The following CD163L1 variants were observed in gnomAD, a reference collection of about 807,000 sequenced individuals.
CD163L1 encodes CD163 molecule like 1, also known as scavenger receptor cysteine-rich type 1 protein M160.
Under a neutral mutation model 165.4 loss-of-function variants are expected in CD163L1, and 124 were observed. That is an observed-to-expected ratio of 0.75 (90% CI 0.65 to 0.87). The LOEUF is 0.87. CD163L1 is among the 40% of genes least tolerant of loss of function. CD163L1 has a pLI of 0.00. For missense variants in CD163L1, 1,525 were observed against 1,799.9 expected (o/e 0.85, Z 2.76); for synonymous variants, 585 against 662.2 (o/e 0.88, Z 1.79).
At chr12:7,377,372 T>C (rs1223294972) in intron 9 of CD163L1, among the ~76,000 whole-genome samples, 1 of 152,186 alleles carries the variant, frequency 6.6e-6, no homozygotes, top group East Asian at 1.9e-4. Flanking sequence ...TAATAGCATA[T>C]ATTTTACTTC....
At chr12:7,364,800 AG>A (rs1946978132) in intron 18 of CD163L1, among the ~76,000 whole-genome samples, 1 of 152,164 alleles carries the variant, frequency 6.6e-6, no homozygotes, top group Admixed American at 6.5e-5. Flanking sequence ...ACAAAAAAAA[AG>A]AAGTATATTT....
In CD163L1 at chr12:7,432,346, T is replaced by G. The variant is rs1325722744; in HGVS notation, c.766+70A>C. On this transcript the variant is annotated intron_variant, in intron 4 of 19. Coordinates refer to ENST00000313599, the MANE Select transcript of CD163L1 (RefSeq NM_174941.6). This position sits in a 1 kb window ranked among gnomAD's most constrained non-coding sequence, Gnocchi z 4.2. ...ATTCTTCTCCAGAGAATGATTGACC[T>G]TTTTCTTTCCATACATACTGTTTCT... The G allele has an allele frequency of 8.3e-7, 1 of 1,208,656 alleles. No individual in the cohort carries two copies. Among genetic ancestry groups the G allele is most frequent in the Non-Finnish European group, 1.2e-6 (1 of 855,926 alleles). The allele number at this position is 1,208,656 out of a possible 1,614,324, so 74.9% of individuals were successfully genotyped here. A position where few individuals can be genotyped will look rare whatever the true frequency, so the allele number is the denominator to read the frequency against.
chr12:7,436,223 T>G (rs1326098951), intron 2 of CD163L1, among the ~76,000 whole-genome samples: 1 of 152,174 alleles, frequency 6.6e-6, no homozygotes, highest in Non-Finnish European at 1.5e-5. Flanking sequence ...GCTTAATGAT[T>G]TGTATATATG....
At position 7,406,696 on chromosome 12, in the gene CD163L1, G is replaced by A. The variant is rs779104032; in HGVS notation, c.923C>T (p.Ala308Val). 6.2e-7 allele frequency: 1 copy of A among 1,614,042 alleles called. No individual in the cohort carries two copies. The highest frequency in any genetic ancestry group is 1.1e-5 in the South Asian group (1 of 91,082). Residue 308 changes from alanine to valine, a missense_variant, in exon 5 of 20, where the codon GCA becomes GTA. Transcript: ENST00000313599. ...VVCKQLGCGT[A>V]LHFAGLPHLQ... The stretch of plus-strand genomic sequence containing the variant: ...ATGAGGCAAGCCAGCGAAGTGAAGT[G>A]CGGTTCCACATCCCAACTGCTTGCA...
At chr12:7,378,936 T>A in intron 9 of CD163L1, 42 bp downstream of exon 9, 1 of 1,542,562 alleles carries the variant, frequency 6.5e-7, no homozygotes, top group Non-Finnish European at 8.8e-7. Flanking sequence ...AGTGCAAAAA[T>A]AAATAATTAA....
chr12:7,386,169 A>T (rs766428381), intron 8 of CD163L1, among the ~76,000 whole-genome samples: 5 of 152,014 alleles, frequency 3.3e-5, no homozygotes, highest in Non-Finnish European at 5.9e-5. Flanking sequence ...ACAAAAGATT[A>T]TAAGAGCCAA....
intron 14 of CD163L1, among the ~76,000 whole-genome samples, chr12:7,370,703 C>T (rs192795206): frequency 1.4e-4 from 22 of 152,190 alleles, no homozygotes; most frequent in Non-Finnish European, 2.8e-4. Flanking sequence ...CTCCAGTTAC[C>T]GTGTTAACTC....
the CD163L1 span, among the ~76,000 whole-genome samples, chr12:7,319,785 G>A: frequency 6.6e-6 from 1 of 151,936 alleles, no homozygotes; most frequent in African/African-American, 2.4e-5. Flanking sequence ...CTCTACATCA[G>A]GTTTACAAAG....
intron 4 of CD163L1, among the ~76,000 whole-genome samples, chr12:7,412,232 A>G (rs1326813090): frequency 1.3e-5 from 2 of 152,246 alleles, no homozygotes; most frequent in Admixed American, 1.3e-4. Context: ...GGAATTCAAT[A>G]TATGATGTAT....
intron 1 of CD163L1, 82 bp downstream of exon 1, chr12:7,444,015 T>G: frequency 3.1e-6 from 4 of 1,306,986 alleles, no homozygotes; most frequent in Non-Finnish European, 4.4e-6. Flanking sequence ...TACATAATAT[T>G]TATATCTGTT....
rs1269718149 is a variant in CD163L1 at position 7,369,103 on chromosome 12, T to C, written c.4040-138A>G. On this transcript the variant is annotated intron_variant, in intron 15 of 19. Transcript: ENST00000313599. This position sits in a 1 kb window ranked among gnomAD's most constrained non-coding sequence, Gnocchi z 4.9. ...TGTGAATACTGGATGTCATTTAAAA[T>C]ATCAGTCAGAATCCTCTTGCTTCAA... is the stretch of plus-strand genomic sequence containing the variant. 1.8e-6 allele frequency: 2 copies of C among 1,092,696 alleles called. No individual in the cohort carries two copies. The highest frequency in any genetic ancestry group is 1.6e-5 in the African/African-American group (1 of 64,156). 67.7% of individuals were successfully genotyped at this position (1,092,696 alleles called of 1,614,324 possible).
chr12:7,356,175 GA>G (rs1946770548), intron 19 of CD163L1, among the ~76,000 whole-genome samples: 2 of 151,968 alleles, frequency 1.3e-5, no homozygotes, highest in South Asian at 4.1e-4. Flanking sequence ...AAACACATAA[GA>G]TACACTTTAG....
Position 7,380,335 on chromosome 12 carries a change from A to G in CD163L1, c.2051-1037T>C, listed in dbSNP as rs11053546. Among the ~76,000 whole-genome samples, 993 of 112,230 alleles carry G rather than the reference A, an allele frequency of 8.8e-3. 7 individuals carry two copies. Among genetic ancestry groups the G allele is most frequent in the East Asian group, 0.024 (94 of 3,896 alleles). 73.6% of individuals were successfully genotyped at this position (112,230 alleles called of 152,430 possible). A position where few individuals can be genotyped will look rare whatever the true frequency, so the allele number is the denominator to read the frequency against. ...TATACATACATATATGTATGTATAC[A>G]CGTATACATACATGTATGTGTGTAT... On this transcript the variant is annotated intron_variant, in intron 8 of 19. Transcript: ENST00000313599.
chr12:7,439,091 T>C, intron 2 of CD163L1: 1 of 1,576,400 alleles, frequency 6.3e-7, no homozygotes, highest in African/African-American at 1.4e-5. Flanking sequence ...CCCTGTGTCC[T>C]GCCCTGCTCT....
chr12:7,426,524 G>T (rs1302327330), intron 4 of CD163L1, among the ~76,000 whole-genome samples: 1 of 151,966 alleles, frequency 6.6e-6, no homozygotes, highest in Non-Finnish European at 1.5e-5. Context: ...GGTGGGTAAG[G>T]GATAAAAACT....
the CD163L1 span, among the ~76,000 whole-genome samples, chr12:7,332,702 G>A: frequency 2.0e-5 from 3 of 152,164 alleles, no homozygotes; most frequent in Non-Finnish European, 2.9e-5. Flanking sequence ...AAGTGAAGGA[G>A]AAATAAAATA....
At chr12:7,382,867 G>A (rs1381539951) in intron 8 of CD163L1, among the ~76,000 whole-genome samples, 1 of 152,186 alleles carries the variant, frequency 6.6e-6, no homozygotes, top group Non-Finnish European at 1.5e-5. Flanking sequence ...GGGCTGCAGT[G>A]GTGCCATGCT....
At chr12:7,440,339 C>G (rs1034326565) in intron 2 of CD163L1, among the ~76,000 whole-genome samples, 6 of 151,404 alleles carry the variant, frequency 4.0e-5, no homozygotes, top group Admixed American at 1.3e-4. Flanking sequence ...CCGCCGCCCA[C>G]CGGCCCTGCC....
chr12:7,436,039 T>C lies in CD163L1; in HGVS notation c.125-2345A>G, dbSNP rs115945896. ...CTATATCTATCATATTATTAGAAAG[T>C]ATTGTATTATTAAAAAGTAAGGTAG... On this transcript the variant is annotated intron_variant, in intron 2 of 19. Transcript: ENST00000313599. Among the ~76,000 whole-genome samples the C allele has an allele frequency of 3.5e-3, 527 of 152,208 alleles. 3 individuals carry two copies. The highest frequency in any genetic ancestry group is 0.012 in the African/African-American group (493 of 41,544).
Sources: allele counts gnomAD v4.1 joint callset (sites outside exome capture counted in the v4.1 genomes callset), GRCh38; gene constraint gnomAD v4.1.1; non-coding constraint Gnocchi (gnomAD v3.1); transcripts MANE v1.5; gene names NCBI Gene and HGNC (gene_info 2026-07-23, HGNC 2026-07-21).